Variants in TNR observed in about 807,000 individuals in gnomAD.
The protein encoded by TNR is tenascin-R.
A neutral mutation model predicts 150.4 loss-of-function variants in TNR; 45 were observed. The ratio of observed to expected loss-of-function variants is 0.30; its 90% CI spans 0.24 to 0.38. TNR has a LOEUF of 0.38. TNR is among the 10% of genes least tolerant of loss of function. The probability of loss-of-function intolerance (pLI) is 1.00; values close to 1 mark genes in which losing one functional copy is unlikely to be tolerated. For synonymous variants in TNR, 687 were observed against 678.4 expected, an observed-to-expected ratio of 1.01 and a Z score of -0.20; for missense variants, 1,544 against 1,759.1, an observed-to-expected ratio of 0.88 and a Z score of 2.19.
At chr1:175,733,324 T>C (rs186162599) in intron 1 of TNR, among the ~76,000 whole-genome samples, 30 of 152,260 alleles carry the variant, frequency 2.0e-4, no homozygotes, top group African/African-American at 7.2e-4. Context: ...GCGAAAGCAG[T>C]GGAACAGGGT....
chr1:175,367,382 C>G (rs1220170324), intron 9 of TNR, 85 bp from the exon 10 acceptor site: 2 of 1,106,394 alleles, frequency 1.8e-6, no homozygotes, highest in East Asian at 4.8e-5. Context: ...TGATCTTAGA[C>G]TCCTATTCAT....
chr1:175,389,392 T>C (rs1180831426), intron 7 of TNR, among the ~76,000 whole-genome samples: 1 of 152,140 alleles, frequency 6.6e-6, no homozygotes, highest in Admixed American at 6.5e-5. Flanking sequence ...TCCTCCCTTC[T>C]CCCTTGAGGA....
At chr1:175,335,977 C>T (rs1650228929) in intron 19 of TNR, among the ~76,000 whole-genome samples, 170 bp from the exon 20 acceptor site, 1 of 152,206 alleles carries the variant, frequency 6.6e-6, no homozygotes, top group African/African-American at 2.4e-5. Flanking sequence ...AGTATTTACA[C>T]AGCAGTTTTT....
intron 1 of TNR, among the ~76,000 whole-genome samples, chr1:175,572,680 T>C (rs1661929359): frequency 6.6e-6 from 1 of 151,590 alleles, no homozygotes; most frequent in Non-Finnish European, 1.5e-5. Context: ...TATAATTACA[T>C]GTAACAGAAT....
chr1:175,403,111 C>T (rs1422462212), intron 4 of TNR, 29 bp downstream of exon 4: 4 of 1,578,154 alleles, frequency 2.5e-6, no homozygotes, highest in Non-Finnish European at 3.5e-6. Context: ...CCACCCTTGC[C>T]AAACACCCCA....
chr1:175,529,747 C>T (rs1031842532), intron 1 of TNR, among the ~76,000 whole-genome samples: 6 of 152,142 alleles, frequency 3.9e-5, no homozygotes, highest in Non-Finnish European at 8.8e-5. Context: ...ATTACAACTC[C>T]CCCTCCTGTT....
At chr1:175,483,475 C>G (rs960293327) in intron 2 of TNR, among the ~76,000 whole-genome samples, 7 of 152,180 alleles carry the variant, frequency 4.6e-5, no homozygotes, top group African/African-American at 1.7e-4. Context: ...CTTCACAGAC[C>G]TGCAAGCACT....
At chr1:175,723,868 C>G (rs1667408755) in intron 1 of TNR, among the ~76,000 whole-genome samples, 1 of 151,952 alleles carries the variant, frequency 6.6e-6, no homozygotes, top group South Asian at 2.1e-4. Context: ...GAGATTCTGT[C>G]TCAATAAATA....
Position 175,544,651 on chromosome 1 carries a change from A to G in TNR, c.-164-16282T>C, listed in dbSNP as rs535147103. On this transcript the variant is annotated intron_variant, in intron 1 of 22. Transcript: ENST00000367674. ...TAAGGGCATTGGATATGAGTACTCA[A>G]AGAATGGATGCAAAGCAAGAAGCTC... 7.7e-4 allele frequency among the ~76,000 whole-genome samples: 117 copies of G among 152,344 alleles called. 1 individual carries two copies. Among genetic ancestry groups the G allele is most frequent in the Admixed American group, 1.8e-3 (28 of 15,310 alleles).
At chr1:175,669,304 C>T (rs563681982) in intron 1 of TNR, among the ~76,000 whole-genome samples, 2 of 152,302 alleles carry the variant, frequency 1.3e-5, no homozygotes, top group East Asian at 3.9e-4. Context: ...AAGGCCGTTG[C>T]CAGGCACAGG....
chr1:175,600,519 G>T (rs1663192914), intron 1 of TNR, among the ~76,000 whole-genome samples: 1 of 152,226 alleles, frequency 6.6e-6, no homozygotes, highest in African/African-American at 2.4e-5. Flanking sequence ...ACCAGACACT[G>T]ACTGTATTGA....
intron 1 of TNR, among the ~76,000 whole-genome samples, chr1:175,651,551 T>C: frequency 6.6e-6 from 1 of 151,964 alleles, no homozygotes; most frequent in East Asian, 1.9e-4. Context: ...ATATATAAAA[T>C]ATATTATTAT....
intron 2 of TNR, among the ~76,000 whole-genome samples, chr1:175,505,215 C>T (rs912974562): frequency 1.1e-4 from 17 of 152,240 alleles, no homozygotes; most frequent in Admixed American, 9.2e-4. Flanking sequence ...TTTATTTAGC[C>T]CTCTCTGCTG....
intron 1 of TNR, among the ~76,000 whole-genome samples, chr1:175,680,011 C>T (rs1665980895): frequency 6.6e-6 from 1 of 152,206 alleles, no homozygotes; most frequent in Admixed American, 6.5e-5. Context: ...CACCTAACTA[C>T]AGCCTGGCCT....
chr1:175,447,535 A>G (rs1656109998), intron 2 of TNR, among the ~76,000 whole-genome samples: 1 of 152,154 alleles, frequency 6.6e-6, no homozygotes, highest in Non-Finnish European at 1.5e-5. Flanking sequence ...AACTTAGGAA[A>G]CATTTTCTCT....
chr1:175,624,933 G>C (rs575457270), intron 1 of TNR, among the ~76,000 whole-genome samples: 95 of 152,316 alleles, frequency 6.2e-4, no homozygotes, highest in Admixed American at 9.1e-4. Flanking sequence ...CTTCAGCTGA[G>C]CACCTCCTGC....
rs532005153 is a variant in TNR, at chr1:175,576,367, A to G, written c.-164-47998T>C. Among the ~76,000 whole-genome samples the G allele has an allele frequency of 5.2e-4, 79 of 152,304 alleles. No individual in the cohort carries two copies. In the South Asian group the frequency reaches 0.011, roughly 22 times the overall value. On this transcript the variant is annotated intron_variant, in intron 1 of 22. Coordinates refer to ENST00000367674, the MANE Select transcript of TNR (RefSeq NM_003285.3). ...AGGAAGTGCAGTCAGAAATCTATTC[A>G]GTATTTCCGGGCGCTGGTGGGTGAT...
At chr1:175,329,160 C>G (rs1184031063) in intron 21 of TNR, among the ~76,000 whole-genome samples, 1 of 152,176 alleles carries the variant, frequency 6.6e-6, no homozygotes, top group Non-Finnish European at 1.5e-5. Context: ...AGGACAACAC[C>G]TTAATGCTCT....
chr1:175,443,427 T>C (rs1655883504), intron 2 of TNR, among the ~76,000 whole-genome samples: 1 of 152,222 alleles, frequency 6.6e-6, no homozygotes, highest in African/African-American at 2.4e-5. Flanking sequence ...ACTTAGGTTA[T>C]ACCCCAGGCT....
Sources: gnomAD v4.1 joint callset for allele counts (sites outside exome capture counted in the v4.1 genomes callset) on GRCh38, gnomAD v4.1.1 for gene constraint, MANE v1.5 for transcripts, NCBI Gene and HGNC (gene_info 2026-07-23, HGNC 2026-07-21) for gene names.